SNTN: variants seen among roughly 807,000 people sequenced by gnomAD.
SNTN encodes sentan.
SNTN carries 13 observed loss-of-function variants against 12.3 expected under a neutral mutation model. The observed-to-expected ratio is 1.05, with a 90% CI of 0.69 to 1.67. The LOEUF is 1.67. Among genes scored for constraint, SNTN ranks in the 40% most tolerant of loss-of-function variants. The pLI, the probability that SNTN is intolerant of heterozygous loss-of-function variation, is 0.00. For missense variants in SNTN, 189 were observed against 169.8 expected (o/e 1.11, Z -0.63); for synonymous variants, 69 against 58.5 (o/e 1.18, Z -0.82).
rs777562395 is a variant in SNTN at position 63,663,985 on chromosome 3, G to A, written c.334G>A (p.Glu112Lys). ...KYREILSELD[E>K]HTENKLDFED... ...CAGAGAGATCCTTTCTGAACTTGATGAGCACACAGAAAATAAGCTAGATTT... is the reference window on the plus strand; with the variant it reads ...CAGAGAGATCCTTTCTGAACTTGATAAGCACACAGAAAATAAGCTAGATTT... The change falls in exon 4 of 4, where the codon GAG becomes AAG. Residue 112 changes from glutamate to lysine, a missense_variant. By Grantham distance (56) the Glu-to-Lys change is moderately conservative. Transcript: ENST00000343837. 5 of 1,613,810 alleles carry A rather than the reference G, an allele frequency of 3.1e-6. No individual in the cohort carries two copies. Among genetic ancestry groups the A allele is most frequent in the Admixed American group, 1.7e-5 (1 of 59,976 alleles).
At chr3:63,658,330 T>C (rs1029184754) in intron 2 of SNTN, among the ~76,000 whole-genome samples, 1 of 151,344 alleles carries the variant, frequency 6.6e-6, no homozygotes, top group Admixed American at 6.6e-5. Flanking sequence ...TAAGTAGTTT[T>C]CCTCCCAGAC....
intron 2 of SNTN, among the ~76,000 whole-genome samples, chr3:63,658,050 C>A (rs765520837): frequency 7.2e-5 from 11 of 152,122 alleles, no homozygotes; most frequent in Non-Finnish European, 1.5e-4. Context: ...CTTTACACGG[C>A]CTACAAGTCC....
intron 1 of SNTN, among the ~76,000 whole-genome samples, chr3:63,653,333 A>G (rs1700641547): frequency 1.3e-5 from 2 of 152,070 alleles, no homozygotes; most frequent in African/African-American, 2.4e-5. Flanking sequence ...AATCATGGCA[A>G]TAGAAAGAAA....
chr3:63,659,151 G>A (rs760551792), intron 2 of SNTN, among the ~76,000 whole-genome samples: 4 of 152,180 alleles, frequency 2.6e-5, no homozygotes, highest in Non-Finnish European at 5.9e-5. Context: ...AAACGAATTA[G>A]CATTGCCCTA....
intron 2 of SNTN, among the ~76,000 whole-genome samples, chr3:63,656,646 A>C (rs1700682519): frequency 2.0e-5 from 3 of 152,212 alleles, no homozygotes; most frequent in Non-Finnish European, 2.9e-5. Flanking sequence ...TTTTAAAATT[A>C]TGATTGTGGC....
intron 1 of SNTN, 145 bp downstream of exon 1, chr3:63,652,942 G>A: frequency 3.0e-6 from 2 of 664,600 alleles, no homozygotes; most frequent in South Asian, 2.1e-5. Context: ...AAATTGACTT[G>A]GAAAAACAAA....
intron 2 of SNTN, among the ~76,000 whole-genome samples, 191 bp downstream of exon 2, chr3:63,654,987 T>C (rs752500081): frequency 3.9e-5 from 6 of 152,222 alleles, no homozygotes; most frequent in Non-Finnish European, 8.8e-5. Context: ...TTAACTTACC[T>C]AAACTTACAC....
At chr3:63,659,384 G>C (rs897839867) in intron 2 of SNTN, among the ~76,000 whole-genome samples, 3 of 152,118 alleles carry the variant, frequency 2.0e-5, no homozygotes, top group Non-Finnish European at 4.4e-5. Context: ...ACTGAGCCTC[G>C]TCCATAGTAC....
chr3:63,664,361 A>C lies in SNTN; in HGVS notation c.*266A>C, dbSNP rs1247698478. 3.1e-6 allele frequency: 1 copy of C among 318,714 alleles called. No individual in the cohort carries two copies. The highest frequency in any genetic ancestry group is 5.8e-6 in the Non-Finnish European group (1 of 173,612). 19.7% of individuals were successfully genotyped at this position (318,714 alleles called of 1,614,324 possible). A position where few individuals can be genotyped will look rare whatever the true frequency, so the allele number is the denominator to read the frequency against. ...AATGGCTTTTGCTGAGTCAGTAGCG[A>C]CCTAGAGCACTCTACTTATAGTCAT... On this transcript the variant is annotated 3_prime_UTR_variant, in exon 4 of 4. Transcript: ENST00000343837.
At chr3:63,657,607 G>A (rs1700694438) in intron 2 of SNTN, among the ~76,000 whole-genome samples, 1 of 152,144 alleles carries the variant, frequency 6.6e-6, no homozygotes, top group Non-Finnish European at 1.5e-5. Flanking sequence ...TTATAGTGAA[G>A]GGAAAGGCAT....
At chr3:63,656,123 G>C (rs986853214) in intron 2 of SNTN, among the ~76,000 whole-genome samples, 2 of 152,198 alleles carry the variant, frequency 1.3e-5, no homozygotes, top group African/African-American at 4.8e-5. Context: ...GTTCTAAAAT[G>C]AGGAGATTCT....
chr3:63,663,845 G>A, intron 3 of SNTN, 92 bp from the exon 4 acceptor site: 2 of 1,466,336 alleles, frequency 1.4e-6, no homozygotes, highest in Non-Finnish European at 1.9e-6. Flanking sequence ...TTCTATTACA[G>A]CAACACTAAA....
chr3:63,662,470 C>T (rs1242827574), intron 3 of SNTN, among the ~76,000 whole-genome samples: 1 of 152,122 alleles, frequency 6.6e-6, no homozygotes, highest in Non-Finnish European at 1.5e-5. Flanking sequence ...ACAGGTCATG[C>T]CCCAGGAGGA....
chr3:63,652,875 C>A (rs971569736), intron 1 of SNTN, 78 bp downstream of exon 1: 3 of 1,355,676 alleles, frequency 2.2e-6, no homozygotes, highest in South Asian at 1.2e-5. Flanking sequence ...ATGTCAACAG[C>A]TTTATAAGCC....
chr3:63,652,691 G>A lies in SNTN; in HGVS notation c.4G>A (p.Gly2Ser). The A allele has an allele frequency of 6.2e-7, 1 of 1,613,396 alleles. No individual in the cohort carries two copies. The highest frequency in any genetic ancestry group is 8.5e-7 in the Non-Finnish European group (1 of 1,179,654). ...ACACAAAACAGAAGATGAGAGAATG[G>A]GTGGCTGTATGCACAGTACCCAGGA... is the stretch of plus-strand genomic sequence containing the variant. The part of the protein sequence containing the change: M[G>S]GCMHSTQDKS... Residue 2 changes from glycine (G) to serine (S), a missense_variant, in exon 1 of 4, where the codon GGT becomes AGT. Transcript: ENST00000343837.
rs1700779056 is a variant in SNTN at position 63,664,422 on chromosome 3, C to T, written c.*327C>T. 5.3e-6 allele frequency: 1 copy of T among 188,806 alleles called. No individual in the cohort carries two copies. The highest frequency in any genetic ancestry group is 5.8e-5 in the Admixed American group (1 of 17,110). 11.7% of individuals were successfully genotyped at this position (188,806 alleles called of 1,614,324 possible). On this transcript the variant is annotated 3_prime_UTR_variant, in exon 4 of 4. Coordinates refer to ENST00000343837, the MANE Select transcript of SNTN (RefSeq NM_001080537.2). ...ATTTATTCACTAAACATTTGTTGAG[C>T]ATCTACTTGATGGAACTGCTGAGGA...
intron 2 of SNTN, among the ~76,000 whole-genome samples, chr3:63,659,041 C>G (rs1289898071): frequency 3.3e-5 from 5 of 152,258 alleles, no homozygotes; most frequent in African/African-American, 1.2e-4. Context: ...ATAAGTTCTA[C>G]ACTAGGGGAT....
At chr3:63,658,059 C>T (rs1700702217) in intron 2 of SNTN, among the ~76,000 whole-genome samples, 2 of 152,134 alleles carry the variant, frequency 1.3e-5, no homozygotes, top group Admixed American at 1.3e-4. Flanking sequence ...GCCTACAAGT[C>T]CTGCATGATC....
At chr3:63,653,663 G>C (rs7642137) in intron 1 of SNTN, among the ~76,000 whole-genome samples, 52,605 of 152,096 alleles carry the variant, frequency 0.35, 10,522 homozygotes, top group East Asian at 0.64. Flanking sequence ...GCCATTGGGG[G>C]TTGAAAAATC....
Sources: gnomAD v4.1 joint callset for allele counts (sites outside exome capture counted in the v4.1 genomes callset) on GRCh38, gnomAD v4.1.1 for gene constraint, MANE v1.5 for transcripts, NCBI Gene and HGNC (gene_info 2026-07-23, HGNC 2026-07-21) for gene names.